The following NXPE1 variants were observed in gnomAD, a reference collection of about 807,000 sequenced individuals.
NXPE1 encodes the protein NXPE family member 1.
In NXPE1, 31 loss-of-function variants were observed where a neutral mutation model predicts 33.3. The ratio of observed to expected loss-of-function variants is 0.93; its 90% CI spans 0.70 to 1.26. The LOEUF (loss-of-function observed/expected upper bound fraction) is 1.26. Among genes scored for constraint, NXPE1 ranks in the 50% most tolerant of loss-of-function variants. The pLI is 0.00. For missense variants in NXPE1, 661 were observed against 655.6 expected (o/e 1.01, Z -0.09); for synonymous variants, 229 against 231.4 (o/e 0.99, Z 0.09).
intron 5 of NXPE1, among the ~76,000 whole-genome samples, chr11:114,533,769 G>C (rs754079856): frequency 2.6e-5 from 4 of 152,348 alleles, no homozygotes; most frequent in Non-Finnish European, 5.9e-5. Flanking sequence ...GGCTTGAGTA[G>C]GTAAACAAAG....
intron 6 of NXPE1, chr11:114,528,731 A>G (rs1222532375): frequency 7.2e-6 from 4 of 558,478 alleles, no homozygotes; most frequent in Non-Finnish European, 1.3e-5. Flanking sequence ...AAGTGGAGGA[A>G]GGAAGAAAGG....
At chr11:114,546,367 G>A (rs1948282241) in intron 5 of NXPE1, among the ~76,000 whole-genome samples, 1 of 152,054 alleles carries the variant, frequency 6.6e-6, no homozygotes, top group Non-Finnish European at 1.5e-5. Flanking sequence ...ATCAGTATGA[G>A]CCCATGTTTA....
chr11:114,534,931 C>T (rs954522711), intron 5 of NXPE1, among the ~76,000 whole-genome samples: 6 of 152,098 alleles, frequency 3.9e-5, no homozygotes, highest in Non-Finnish European at 5.9e-5. Context: ...ATACAGAGAA[C>T]GCCACTAAGA....
chr11:114,540,837 C>CTTTTTTTTTTTTTTTTTTTTTTTTTTTTT (rs142403291), intron 5 of NXPE1, among the ~76,000 whole-genome samples: 1 of 47,416 alleles, frequency 2.1e-5, no homozygotes. Flanking sequence ...AGAAAGCCAT[C>CTTTTTTTTTTTTTTTTTTTTTTTTTTTTT]TTTTTTTTTT....
In NXPE1 at chr11:114,530,364, T is replaced by C. The variant is rs1206772474; in HGVS notation, c.644A>G (p.His215Arg). ...GGTCAGGCCACATTCAGTGAAGACA[T>C]GAGAGGTGCCATTAACAAATTTGCC... The change falls in exon 6 of 9, where the codon CAT (histidine) becomes CGT (arginine). Residue 215 changes from histidine to arginine, a missense_variant. Physicochemically the swap from His to Arg is conservative, Grantham distance 29. Coordinates refer to ENST00000534921, the Ensembl canonical transcript of NXPE1. 9 of 1,614,070 alleles carry C rather than the reference T, an allele frequency of 5.6e-6. No individual in the cohort carries two copies. The highest frequency in any genetic ancestry group is 7.6e-6 in the Non-Finnish European group (9 of 1,180,024).
At position 114,530,982 on chromosome 11, in the gene NXPE1, AT is replaced by A. The variant is rs2134966032; in HGVS notation, c.100-75del. On this transcript the variant is annotated intron_variant, in intron 5 of 8. Transcript: ENST00000534921. ...ATTTTTACTTATTATGAGTTTGAAT[AT>A]TTGTTTACAGTGAATATTTGTATAA... The A allele has an allele frequency of 2.9e-6, 4 of 1,388,202 alleles. No individual in the cohort carries two copies. In the South Asian group the frequency reaches 6.2e-5, roughly 22 times the overall value. 86.0% of individuals were successfully genotyped at this position (1,388,202 alleles called of 1,614,324 possible). A position where few individuals can be genotyped will look rare whatever the true frequency, so the allele number is the denominator to read the frequency against.
chr11:114,553,922 T>G, intron 1 of NXPE1: 1 of 985,316 alleles, frequency 1.0e-6, no homozygotes, highest in Non-Finnish European at 1.2e-6. Context: ...AAACAGGATT[T>G]TTGTTTTTGT....
At chr11:114,545,216 C>T (rs1948233289) in intron 5 of NXPE1, among the ~76,000 whole-genome samples, 1 of 152,116 alleles carries the variant, frequency 6.6e-6, no homozygotes. Flanking sequence ...CTCCTGTATA[C>T]ATATCCAGTT....
At chr11:114,521,816 A>G (rs1947217485) in exon 9 of NXPE1, 2 of 595,068 alleles carry the variant, frequency 3.4e-6, no homozygotes, top group East Asian at 5.6e-5. Flanking sequence ...ATCCCTTATC[A>G]GTTGTCATTG....
At chr11:114,535,075 C>T (rs542389655) in intron 5 of NXPE1, among the ~76,000 whole-genome samples, 23 of 152,324 alleles carry the variant, frequency 1.5e-4, no homozygotes, top group African/African-American at 5.5e-4. Flanking sequence ...AGACTAACAG[C>T]TGATCTCTTG....
At position 114,522,915 on chromosome 11, in the gene NXPE1, G is replaced by A. The variant is rs114194903; in HGVS notation, c.1072C>T (p.Arg358Cys). 3.2e-5 allele frequency: 52 copies of A among 1,613,170 alleles called. No homozygotes were observed. Among genetic ancestry groups the A allele is most frequent in the Middle Eastern group, 1.7e-4 (1 of 6,058 alleles). Residue 358 changes from arginine to cysteine, a missense_variant, in exon 8 of 9, where the codon CGT (arginine) becomes TGT (cysteine). Arg to Cys is a radical substitution (Grantham distance 180). Coordinates refer to ENST00000534921, the Ensembl canonical transcript of NXPE1. ...TTGGGGAAGTAGTAGATCCACTGACGTAGTGTAGAGTCTCCCAGGAGGTAA... is the reference window on the plus strand; with the variant it reads ...TTGGGGAAGTAGTAGATCCACTGACATAGTGTAGAGTCTCCCAGGAGGTAA...
chr11:114,535,816 C>G (rs1416909522), intron 5 of NXPE1, among the ~76,000 whole-genome samples: 1 of 152,134 alleles, frequency 6.6e-6, no homozygotes, highest in East Asian at 1.9e-4. Flanking sequence ...GACTTAGACT[C>G]CGACACAATA....
exon 6 of NXPE1, chr11:114,530,833 A>G (rs756678940): frequency 5.0e-5 from 80 of 1,614,000 alleles, no homozygotes; most frequent in Non-Finnish European, 6.5e-5. Flanking sequence ...GGTATCAGTG[A>G]TGTTTTAGGG....
At chr11:114,530,755 G>A in exon 6 of NXPE1, 3 of 1,614,198 alleles carry the variant, frequency 1.9e-6, no homozygotes, top group Non-Finnish European at 2.5e-6. Context: ...GGTCTGGGTG[G>A]GATCTGCTGA....
chr11:114,529,828 A>G (rs1371675470), intron 6 of NXPE1: 3 of 224,722 alleles, frequency 1.3e-5, no homozygotes, highest in African/African-American at 6.9e-5. Context: ...GTGGGGGGAA[A>G]TGGATCAACG....
chr11:114,546,255 A>C (rs1948278746), intron 5 of NXPE1, among the ~76,000 whole-genome samples: 1 of 152,146 alleles, frequency 6.6e-6, no homozygotes, highest in Admixed American at 6.5e-5. Context: ...ATGAACAAAT[A>C]AGTAAATAAA....
intron 5 of NXPE1, among the ~76,000 whole-genome samples, chr11:114,535,989 G>T (rs1424281682): frequency 6.6e-6 from 1 of 152,228 alleles, no homozygotes; most frequent in African/African-American, 2.4e-5. Flanking sequence ...ATTCTTTTCA[G>T]CACCACACCA....
chr11:114,527,208 A>T (rs886480992), intron 7 of NXPE1: 2 of 152,448 alleles, frequency 1.3e-5, no homozygotes, highest in Admixed American at 6.5e-5. Flanking sequence ...CCTTGTTATG[A>T]CATCAGCACA....
intron 5 of NXPE1, among the ~76,000 whole-genome samples, chr11:114,543,846 T>C (rs1948185369): frequency 2.0e-5 from 3 of 152,282 alleles, no homozygotes; most frequent in Middle Eastern, 6.8e-3. Context: ...CCAAAGAATC[T>C]ATAGAAAATT....
Sources: gnomAD v4.1 joint callset for allele counts (sites outside exome capture counted in the v4.1 genomes callset) on GRCh38, gnomAD v4.1.1 for gene constraint, MANE v1.5 for transcripts, NCBI Gene and HGNC (gene_info 2026-07-23, HGNC 2026-07-21) for gene names.